The following WNT9B variants were observed in gnomAD, a reference collection of about 807,000 sequenced individuals.
WNT9B encodes protein Wnt-9b.
In WNT9B, 12 loss-of-function variants were observed where a neutral mutation model predicts 30.2. The observed-to-expected ratio is 0.40, with a 90% CI of 0.26 to 0.64. The LOEUF (loss-of-function observed/expected upper bound fraction) is 0.64, where lower values mean the gene tolerates loss of function less well. WNT9B is among the 30% of genes least tolerant of loss of function. The pLI is 0.42. For synonymous variants in WNT9B, 218 were observed against 216.9 expected, an observed-to-expected ratio of 1.01 and a Z score of -0.05; for missense variants, 442 against 485.2, an observed-to-expected ratio of 0.91 and a Z score of 0.84.
intron 1 of WNT9B, among the ~76,000 whole-genome samples, chr17:46,868,533 T>C (rs1466418070): frequency 6.6e-6 from 1 of 152,018 alleles, no homozygotes; most frequent in Non-Finnish European, 1.5e-5. Flanking sequence ...GAGGCAGAGG[T>C]TGCAGTGAGC....
At chr17:46,870,904 C>CTTTTTTGTTTTTTTTTTTTTTTTTTTT (rs2085231065) in intron 1 of WNT9B, among the ~76,000 whole-genome samples, 1 of 78,396 alleles carries the variant, frequency 1.3e-5, no homozygotes, top group African/African-American at 5.0e-5. Flanking sequence ...TCCACCTTTG[C>CTTTTTTGTTTTTTTTTTTTTTTTTTTT]TTTTTTTTTT....
chr17:46,849,846 T>C (rs58897475), upstream of WNT9B, among the ~76,000 whole-genome samples: 28,362 of 147,602 alleles, frequency 0.19, 3,356 homozygotes, highest in East Asian at 0.49. Flanking sequence ...AGGCATTTAA[T>C]ATCTTTTTTT....
At chr17:46,857,222 A>G (rs951523032) in intron 1 of WNT9B, among the ~76,000 whole-genome samples, 3 of 152,130 alleles carry the variant, frequency 2.0e-5, no homozygotes, top group Admixed American at 1.3e-4. Flanking sequence ...TAATCCCAGC[A>G]CTTTGGGAGG....
chr17:46,857,241 G>A (rs1217166500), intron 1 of WNT9B, among the ~76,000 whole-genome samples: 2 of 152,158 alleles, frequency 1.3e-5, no homozygotes, highest in African/African-American at 2.4e-5. Context: ...GGCCGAGACG[G>A]GCAGATCACT....
chr17:46,882,772 G>T (rs2146625370), downstream of WNT9B, among the ~76,000 whole-genome samples: 1 of 152,250 alleles, frequency 6.6e-6, no homozygotes, highest in East Asian at 1.9e-4. Flanking sequence ...ACGTGACAGG[G>T]TCCTAGATGC....
In WNT9B at chr17:46,870,941, T is replaced by C. The variant is rs551772349; in HGVS notation, c.78-1576T>C. On this transcript the variant is annotated intron_variant, in intron 1 of 3. Transcript: ENST00000290015. ...TTTTTTTTTTTTTGAGATAGGGTCT[T>C]GCTCTGTTTCCCAGGCTGGAGTGCA... 2.1e-5 allele frequency among the ~76,000 whole-genome samples: 3 copies of C among 145,808 alleles called. No individual in the cohort carries two copies. In the South Asian group the frequency reaches 6.8e-4, roughly 33 times the overall value.
chr17:46,873,351 G>A (rs996844853), intron 2 of WNT9B, among the ~76,000 whole-genome samples: 4 of 151,944 alleles, frequency 2.6e-5, no homozygotes, highest in African/African-American at 9.7e-5. Flanking sequence ...GCCAGGCACT[G>A]TGCCAGATCC....
chr17:46,850,729 T>C (rs1229380746), upstream of WNT9B, among the ~76,000 whole-genome samples: 1 of 152,140 alleles, frequency 6.6e-6, no homozygotes, highest in Non-Finnish European at 1.5e-5. Context: ...AAATTGGGGT[T>C]AAACTTTAAA....
exon 1 of WNT9B, chr17:46,833,389 G>A (rs1298470846): frequency 3.9e-6 from 2 of 518,438 alleles, no homozygotes; most frequent in Non-Finnish European, 7.7e-6. Flanking sequence ...GCATGCCAAG[G>A]CCTGAATGCC....
rs532696292 is a variant in WNT9B, at chr17:46,841,901, G to A, written c.95+8461G>A. On this transcript the variant is annotated intron_variant, in intron 1 of 2. Transcript: ENST00000575372. ...TCTTGCGCTCCTCTGCGGTGTGTGGGGGGGTCTCTGGTCCGCGAGAGGACA... is the reference window on the plus strand; with the variant it reads ...TCTTGCGCTCCTCTGCGGTGTGTGGAGGGGTCTCTGGTCCGCGAGAGGACA... Among the ~76,000 whole-genome samples the A allele has an allele frequency of 1.8e-3, 268 of 152,356 alleles. 1 individual carries two copies. Among genetic ancestry groups the A allele is most frequent in the African/African-American group, 6.2e-3 (257 of 41,588 alleles).
At chr17:46,886,336 G>A (rs2085488379) in exon 5 of WNT9B, 1 of 152,246 alleles carries the variant, frequency 6.6e-6, no homozygotes, top group Admixed American at 6.5e-5. Context: ...CATCAAAGAT[G>A]CATAGAACTA....
chr17:46,861,478 G>A (rs1347261862), intron 1 of WNT9B, among the ~76,000 whole-genome samples: 1 of 152,150 alleles, frequency 6.6e-6, no homozygotes, highest in Admixed American at 6.5e-5. Context: ...GCTCTCTGGG[G>A]CACATACTAC....
chr17:46,883,046 T>C (rs1257459491), downstream of WNT9B, among the ~76,000 whole-genome samples: 1 of 151,948 alleles, frequency 6.6e-6, no homozygotes, highest in African/African-American at 2.4e-5. Flanking sequence ...TGGCATGATC[T>C]CTGCTCACTG....
chr17:46,838,390 G>C (rs1430219466), intron 1 of WNT9B, among the ~76,000 whole-genome samples: 1 of 151,712 alleles, frequency 6.6e-6, no homozygotes, highest in Non-Finnish European at 1.5e-5. Context: ...TTTTTGGAAG[G>C]CCAAGGCAGG....
At chr17:46,884,372 G>A (rs1022280097), downstream of WNT9B, among the ~76,000 whole-genome samples, 5 of 151,696 alleles carry the variant, frequency 3.3e-5, no homozygotes, top group Admixed American at 6.6e-5. Flanking sequence ...TGCCGCCCCC[G>A]CCCCACACCC....
At chr17:46,836,154 G>A (rs1273441900) in intron 1 of WNT9B, among the ~76,000 whole-genome samples, 1 of 139,500 alleles carries the variant, frequency 7.2e-6, no homozygotes, top group Non-Finnish European at 1.5e-5. Flanking sequence ...TGGTGGTGGC[G>A]GGGCAATTAA....
intron 1 of WNT9B, among the ~76,000 whole-genome samples, chr17:46,854,117 C>T (rs1030071597): frequency 6.6e-6 from 1 of 152,150 alleles, no homozygotes; most frequent in Admixed American, 6.6e-5. Flanking sequence ...AGGACAGATG[C>T]TCAGAGAATC....
chr17:46,840,583 A>G (rs2084701525), intron 1 of WNT9B, among the ~76,000 whole-genome samples: 1 of 152,202 alleles, frequency 6.6e-6, no homozygotes, highest in South Asian at 2.1e-4. Flanking sequence ...AGGAATTGCC[A>G]TACTGTCTAA....
At position 46,872,785 on chromosome 17, in the gene WNT9B, G is replaced by A. The variant is rs1397110932; in HGVS notation, c.334+12G>A. ...CCTGCTCAAGAGAGGTGGGGAGGAG[G>A]GCTAGGGGACGGGGAGGGCTGGGGG... On this transcript the variant is annotated intron_variant, in intron 2 of 3. Coordinates refer to ENST00000290015, the MANE Select transcript of WNT9B (RefSeq NM_003396.3). 17 of 1,578,420 alleles carry A rather than the reference G, an allele frequency of 1.1e-5. No homozygotes were observed. Among genetic ancestry groups the A allele is most frequent in the East Asian group, 2.3e-5 (1 of 44,078 alleles).
Sources: allele counts gnomAD v4.1 joint callset (sites outside exome capture counted in the v4.1 genomes callset), GRCh38; gene constraint gnomAD v4.1.1; transcripts MANE v1.5; gene names NCBI Gene and HGNC (gene_info 2026-07-23, HGNC 2026-07-21).